The following CHD9 variants were observed in gnomAD, a reference collection of about 807,000 sequenced individuals.
The protein encoded by CHD9 is ATP-dependent chromatin remodeler CHD9.
Under a neutral mutation model 316.1 loss-of-function variants are expected in CHD9, and 77 were observed. The observed-to-expected ratio is 0.24, with a 90% CI of 0.20 to 0.29. The LOEUF (loss-of-function observed/expected upper bound fraction) is 0.29. Ranked by LOEUF, CHD9 falls within the 10% of genes least tolerant of loss-of-function variation. The probability of loss-of-function intolerance (pLI) is 1.00; values close to 1 mark genes in which losing one functional copy is unlikely to be tolerated. For synonymous variants in CHD9, 1,129 were observed against 1,158.3 expected (o/e 0.97, Z 0.51); for missense variants, 2,763 against 3,438.1 (o/e 0.80, Z 4.91).
chr16:53,133,992 AAAGTT>A (rs1339158301), intron 1 of CHD9, among the ~76,000 whole-genome samples: 1 of 152,180 alleles, frequency 6.6e-6, no homozygotes, highest in Non-Finnish European at 1.5e-5. Context: ...GTACATATGA[AAAGTT>A]AAGATTTTCT....
At chr16:53,304,945 C>T (rs2055818337) in intron 31 of CHD9, among the ~76,000 whole-genome samples, 1 of 151,818 alleles carries the variant, frequency 6.6e-6, no homozygotes, top group Non-Finnish European at 1.5e-5. Flanking sequence ...CTACCCGCCT[C>T]AGCCTCCCAA....
Position 53,105,101 on chromosome 16 carries a change from C to T in CHD9, c.-165+50024C>T, listed in dbSNP as rs570363748. ...CGAGCAATCCTCCCACCTTGGCCTCCCAAAGTGCTGGGATTACAGACATGA... is the reference window on the plus strand; with the variant it reads ...CGAGCAATCCTCCCACCTTGGCCTCTCAAAGTGCTGGGATTACAGACATGA... On this transcript the variant is annotated intron_variant, in intron 1 of 38. Transcript: ENST00000447540. Among the ~76,000 whole-genome samples, 258 of 152,286 alleles carry T rather than the reference C, an allele frequency of 1.7e-3. 1 individual carries two copies. The highest frequency in any genetic ancestry group is 6.0e-3 in the African/African-American group (251 of 41,550).
At chr16:53,212,420 A>T (rs67520546) in intron 3 of CHD9, among the ~76,000 whole-genome samples, 47,443 of 147,284 alleles carry the variant, frequency 0.32, 7,626 homozygotes, top group Middle Eastern at 0.4. Flanking sequence ...AAAAAAAAAA[A>T]TTTTTTTTAA....
chr16:53,058,666 C>A (rs975893560), intron 1 of CHD9, among the ~76,000 whole-genome samples: 2 of 152,062 alleles, frequency 1.3e-5, no homozygotes, highest in African/African-American at 4.8e-5. Context: ...CCGATTAGCA[C>A]GGTAATCCTG....
intron 10 of CHD9, among the ~76,000 whole-genome samples, chr16:53,232,472 T>A (rs1230087911): frequency 2.6e-5 from 4 of 152,186 alleles, no homozygotes; most frequent in Non-Finnish European, 5.9e-5. Flanking sequence ...ATTAATCCCC[T>A]TAATTAATGT....
chr16:53,276,365 A>G (rs1204663704), intron 24 of CHD9, among the ~76,000 whole-genome samples: 1 of 152,204 alleles, frequency 6.6e-6, no homozygotes, highest in Non-Finnish European at 1.5e-5. Flanking sequence ...AAAAGAGATT[A>G]AACATCTACT....
At chr16:53,100,742 A>C (rs2036797978) in intron 1 of CHD9, among the ~76,000 whole-genome samples, 1 of 152,222 alleles carries the variant, frequency 6.6e-6, no homozygotes, top group Admixed American at 6.5e-5. Flanking sequence ...CTGGGATTAC[A>C]GGCGTGAGCT....
intron 1 of CHD9, among the ~76,000 whole-genome samples, chr16:53,149,388 A>G (rs1322485280): frequency 6.6e-6 from 1 of 152,090 alleles, no homozygotes; most frequent in Non-Finnish European, 1.5e-5. Context: ...TTCTACAACT[A>G]TATTGTAGAA....
intron 8 of CHD9, among the ~76,000 whole-genome samples, chr16:53,229,768 A>G (rs188321580): frequency 1.3e-5 from 2 of 152,290 alleles, no homozygotes; most frequent in Admixed American, 1.3e-4. Context: ...TCATACACAC[A>G]CGTATTTTTC....
chr16:53,223,769 C>CA (rs1416673749), intron 4 of CHD9, among the ~76,000 whole-genome samples: 1 of 151,416 alleles, frequency 6.6e-6, no homozygotes, highest in East Asian at 1.9e-4. Context: ...AACACACACA[C>CA]AAAAAATGGT....
At chr16:53,058,349 G>A (rs909856940) in intron 1 of CHD9, among the ~76,000 whole-genome samples, 3 of 152,226 alleles carry the variant, frequency 2.0e-5, no homozygotes, top group East Asian at 1.9e-4. Flanking sequence ...TCGAGCTCCC[G>A]ACCTCAGGTG....
intron 33 of CHD9, 63 bp downstream of exon 33, chr16:53,308,016 G>A: frequency 1.4e-5 from 20 of 1,387,890 alleles, no homozygotes; most frequent in Non-Finnish European, 1.9e-5. Context: ...TGCTTTTCCT[G>A]CAAATGGCTG....
At chr16:53,165,610 C>T (rs1045204662) in intron 2 of CHD9, among the ~76,000 whole-genome samples, 10 of 151,874 alleles carry the variant, frequency 6.6e-5, no homozygotes, top group South Asian at 2.1e-4. Context: ...TTAATGTATT[C>T]GATTGAAATA....
intron 1 of CHD9, among the ~76,000 whole-genome samples, chr16:53,142,448 A>G (rs1313474413): frequency 1.3e-5 from 2 of 152,110 alleles, no homozygotes; most frequent in Non-Finnish European, 2.9e-5. Flanking sequence ...ACCCTGTGAT[A>G]TAGATGGTCC....
At chr16:53,121,348 A>G in intron 1 of CHD9, 1 of 456,108 alleles carries the variant, frequency 2.2e-6, no homozygotes. Flanking sequence ...AAACAGATGC[A>G]CAAAGAGAAG....
intron 23 of CHD9, 94 bp from the exon 24 acceptor site, chr16:53,274,119 T>G (rs1382074404): frequency 1.3e-6 from 1 of 772,456 alleles, no homozygotes; most frequent in Non-Finnish European, 2.2e-6. Flanking sequence ...TTTTAAAATC[T>G]GTACACAAAT....
chr16:53,289,528 G>A (rs34841283), intron 27 of CHD9, among the ~76,000 whole-genome samples: 18,990 of 152,212 alleles, frequency 0.12, 1,330 homozygotes, highest in South Asian at 0.23. Flanking sequence ...AAACAGATGT[G>A]AGGAAATTAT....
At chr16:53,226,051 G>GC (rs2047626884) in intron 4 of CHD9, among the ~76,000 whole-genome samples, 1 of 151,916 alleles carries the variant, frequency 6.6e-6, no homozygotes, top group Non-Finnish European at 1.5e-5. Flanking sequence ...AATATATTTT[G>GC]CCCAACCTGT....
chr16:53,188,468 C>G (rs1336874276), intron 2 of CHD9, among the ~76,000 whole-genome samples: 1 of 151,634 alleles, frequency 6.6e-6, no homozygotes, highest in Non-Finnish European at 1.5e-5. Context: ...TCCATACTTG[C>G]CAATGCCTGT....
Sources: gnomAD v4.1 joint callset for allele counts (sites outside exome capture counted in the v4.1 genomes callset) on GRCh38, gnomAD v4.1.1 for gene constraint, MANE v1.5 for transcripts, NCBI Gene and HGNC (gene_info 2026-07-23, HGNC 2026-07-21) for gene names.